LINGO2: variants seen among roughly 807,000 people sequenced by gnomAD.
LINGO2 encodes the protein leucine rich repeat and Ig domain containing 2, also known as leucine-rich repeat and immunoglobulin-like domain-containing nogo receptor-interacting protein 2.
Under a neutral mutation model 30.6 loss-of-function variants are expected in LINGO2, and 14 were observed. The observed-to-expected ratio is 0.46, with a 90% CI of 0.30 to 0.72. LINGO2 has a LOEUF of 0.72. Ranked by LOEUF, LINGO2 falls within the 30% of genes least tolerant of loss-of-function variation. The probability of loss-of-function intolerance (pLI) is 0.07; values close to 1 mark genes in which losing one functional copy is unlikely to be tolerated. For missense variants in LINGO2, 729 were observed against 751.7 expected (o/e 0.97, Z 0.35); for synonymous variants, 317 against 288.5 (o/e 1.10, Z -1.00).
intron 2 of LINGO2, among the ~76,000 whole-genome samples, chr9:28,473,269 T>C: frequency 6.6e-6 from 1 of 152,036 alleles, no homozygotes; most frequent in Non-Finnish European, 1.5e-5. Flanking sequence ...ATGAAGAAAT[T>C]CAGGCCCAAA....
chr9:28,913,982 C>T, the LINGO2 span, among the ~76,000 whole-genome samples: 1 of 152,040 alleles, frequency 6.6e-6, no homozygotes, highest in South Asian at 2.1e-4. Context: ...ACTGACATAT[C>T]GGCTTCATTG....
chr9:28,899,234 C>T, the LINGO2 span, among the ~76,000 whole-genome samples: 9 of 152,300 alleles, frequency 5.9e-5, no homozygotes, highest in South Asian at 6.2e-4. Flanking sequence ...ACATTCCAAA[C>T]GAGGGAAGGA....
At chr9:29,090,377 C>A in the LINGO2 span, among the ~76,000 whole-genome samples, 1 of 151,972 alleles carries the variant, frequency 6.6e-6, no homozygotes, top group Non-Finnish European at 1.5e-5. Flanking sequence ...ATCAGTCTTG[C>A]AGGGTCTCCT....
At chr9:28,110,170 G>T (rs1438148142) in intron 4 of LINGO2, among the ~76,000 whole-genome samples, 1 of 152,124 alleles carries the variant, frequency 6.6e-6, no homozygotes, top group Non-Finnish European at 1.5e-5. Flanking sequence ...AATAAATGGT[G>T]CCAGGAAAAC....
intron 3 of LINGO2, among the ~76,000 whole-genome samples, chr9:28,348,490 A>G (rs1819690085): frequency 6.6e-6 from 1 of 152,114 alleles, no homozygotes; most frequent in Admixed American, 6.5e-5. Context: ...CCTGGCTCGG[A>G]GGGTCCAATG....
the LINGO2 span, among the ~76,000 whole-genome samples, chr9:29,210,398 T>A: frequency 1.3e-5 from 2 of 152,344 alleles, no homozygotes; most frequent in East Asian, 3.9e-4. Flanking sequence ...TAAATATGTA[T>A]GTCTTTGTTA....
At chr9:29,079,145 GA>G in the LINGO2 span, among the ~76,000 whole-genome samples, 24,867 of 150,704 alleles carry the variant, frequency 0.17, 2,172 homozygotes, top group East Asian at 0.34. Context: ...ATGTTGACAT[GA>G]AAAAAAAATG....
intron 4 of LINGO2, among the ~76,000 whole-genome samples, chr9:28,078,766 T>C (rs1825695019): frequency 6.8e-6 from 1 of 147,394 alleles, no homozygotes; most frequent in African/African-American, 2.7e-5. Context: ...GAGAACCGCC[T>C]GAACCTGGGA....
the LINGO2 span, among the ~76,000 whole-genome samples, chr9:28,758,985 G>T: frequency 6.6e-6 from 1 of 152,062 alleles, no homozygotes; most frequent in African/African-American, 2.4e-5. Context: ...TATAGAGCAT[G>T]TGTAGTTTCC....
At chr9:28,121,729 T>C (rs1439087533) in intron 4 of LINGO2, among the ~76,000 whole-genome samples, 1 of 152,154 alleles carries the variant, frequency 6.6e-6, no homozygotes, top group Non-Finnish European at 1.5e-5. Context: ...ATTGTTTTAC[T>C]TAAGGAAAAA....
At chr9:29,003,451 G>A in the LINGO2 span, among the ~76,000 whole-genome samples, 2 of 151,730 alleles carry the variant, frequency 1.3e-5, no homozygotes, top group African/African-American at 4.8e-5. Flanking sequence ...AAAGAGACAA[G>A]GAAACAGACA....
chr9:28,291,423 C>CAGAT (rs1434910321), intron 4 of LINGO2, among the ~76,000 whole-genome samples: 2 of 152,150 alleles, frequency 1.3e-5, no homozygotes, highest in Admixed American at 6.6e-5. Flanking sequence ...TGTCTATGAA[C>CAGAT]AGATATTATG....
chr9:28,332,647 A>C (rs186691950), intron 3 of LINGO2, among the ~76,000 whole-genome samples: 48 of 152,152 alleles, frequency 3.2e-4, no homozygotes, highest in Admixed American at 8.5e-4. Flanking sequence ...CAAGACAGAG[A>C]TGGGCTCTTA....
intron 3 of LINGO2, among the ~76,000 whole-genome samples, chr9:28,359,728 G>C (rs376882757): frequency 1.3e-5 from 2 of 152,152 alleles, no homozygotes; most frequent in East Asian, 3.9e-4. Context: ...AATGTGTATA[G>C]TGAAGTTGTT....
intron 1 of LINGO2, among the ~76,000 whole-genome samples, chr9:28,648,594 A>T (rs547218194): frequency 7.9e-5 from 12 of 152,224 alleles, no homozygotes; most frequent in Admixed American, 5.2e-4. Flanking sequence ...CTAAAATATT[A>T]TGCTGTTTAA....
At chr9:28,461,421 T>C (rs1825077723) in intron 2 of LINGO2, among the ~76,000 whole-genome samples, 1 of 152,114 alleles carries the variant, frequency 6.6e-6, no homozygotes, top group Non-Finnish European at 1.5e-5. Context: ...GTTTACTCCA[T>C]CAAAAATAGC....
intron 4 of LINGO2, among the ~76,000 whole-genome samples, chr9:28,199,351 T>TCCTCCTCCTCCTCC (rs1290385489): frequency 2.0e-4 from 30 of 149,826 alleles, no homozygotes; most frequent in East Asian, 3.9e-4. Flanking sequence ...CTTCTTTTTT[T>TCCTCCTCCTCCTCC]TTTTTTGAGA....
chr9:28,623,829 G>A (rs1298559543), intron 1 of LINGO2, among the ~76,000 whole-genome samples: 3 of 151,902 alleles, frequency 2.0e-5, no homozygotes, highest in Non-Finnish European at 4.4e-5. Context: ...ATCTATGAAC[G>A]TGGAAAATCA....
At chr9:28,602,933 T>G (rs1587943814) in intron 1 of LINGO2, among the ~76,000 whole-genome samples, 1 of 152,080 alleles carries the variant, frequency 6.6e-6, no homozygotes, top group South Asian at 2.1e-4. Flanking sequence ...TTCTGCTTCA[T>G]AAATGCAAAT....
Sources: gnomAD v4.1 joint callset for allele counts (sites outside exome capture counted in the v4.1 genomes callset) on GRCh38, gnomAD v4.1.1 for gene constraint, MANE v1.5 for transcripts, NCBI Gene and HGNC (gene_info 2026-07-23, HGNC 2026-07-21) for gene names.